The following PIR variants were observed in gnomAD, a reference collection of about 807,000 sequenced individuals.
PIR encodes the protein pirin.
A neutral mutation model predicts 24.2 loss-of-function variants in PIR; 22 were observed. That is an observed-to-expected ratio of 0.91 (90% CI 0.65 to 1.30). The LOEUF is 1.30. Ranked by LOEUF, PIR falls within the 50% of genes most tolerant of loss-of-function variation. The probability of loss-of-function intolerance (pLI) is 0.00; values close to 1 mark genes in which losing one functional copy is unlikely to be tolerated. For synonymous variants in PIR, 80 were observed against 79.6 expected (o/e 1.00, Z -0.03); for missense variants, 220 against 220.3 (o/e 1.00, Z 0.01).
At chrX:15,438,463 AC>A (rs1265549274) in intron 5 of PIR, among the ~76,000 whole-genome samples, 2 of 112,374 alleles carry the variant, frequency 1.8e-5, no homozygotes, top group Admixed American at 1.9e-4. Context: ...AAGAGCACAG[AC>A]CCTGGAGCCA....
At position 15,397,501 on chromosome X, in the gene PIR, G is replaced by T; in HGVS notation, c.641C>A (p.Pro214His). 1 of 1,207,488 alleles carries T rather than the reference G, an allele frequency of 8.3e-7. No homozygotes were observed. Among genetic ancestry groups the T allele is most frequent in the Non-Finnish European group, 1.1e-6 (1 of 891,608 alleles). ...TTCTCCAAGCACTGCTGTGTGATGA[G>T]GTTCTATTTTTTGTTGTGCATCATC... ...GPDDAQQKIEPHHTAVLGEGD... is the reference protein window; with the variant it reads ...GPDDAQQKIEHHHTAVLGEGD... The change falls in exon 8 of 10, where the codon CCT (proline) becomes CAT (histidine). Residue 214 changes from proline to histidine, a missense_variant. Coordinates refer to ENST00000380420, the MANE Select transcript of PIR (RefSeq NM_001018109.3).
At chrX:15,435,724 G>A (rs900160585) in intron 5 of PIR, among the ~76,000 whole-genome samples, 8 of 112,060 alleles carry the variant, frequency 7.1e-5, no homozygotes, top group African/African-American at 2.6e-4. Context: ...ACACTCAGGA[G>A]ACTCACTGCC....
chrX:15,445,698 T>G (rs1173128370), intron 5 of PIR, among the ~76,000 whole-genome samples: 2 of 111,197 alleles, frequency 1.8e-5, no homozygotes, highest in African/African-American at 6.5e-5. Flanking sequence ...AAAGACTCCA[T>G]TAGATGGCAT....
chrX:15,412,029 C>A (rs1924760256), intron 6 of PIR, among the ~76,000 whole-genome samples: 2 of 110,947 alleles, frequency 1.8e-5, no homozygotes, highest in Non-Finnish European at 3.8e-5. Flanking sequence ...AAATAATTTT[C>A]AGTATGTATT....
At chrX:15,395,571 T>A (rs1450127612) in intron 8 of PIR, among the ~76,000 whole-genome samples, 8 of 112,234 alleles carry the variant, frequency 7.1e-5, no homozygotes, top group Non-Finnish European at 3.8e-5. Context: ...ATCTCAAATA[T>A]TCTTTCTAAC....
Position 15,419,036 on chromosome X carries a change from C to T in PIR, c.565+6870G>A, listed in dbSNP as rs957063792. The stretch of plus-strand genomic sequence containing the variant: ...CCCAGCCAATGGCCTACACATTTCA[C>T]GAAATATTTGATACAACAAAGCACC... On this transcript the variant is annotated intron_variant, in intron 6 of 9. Coordinates refer to ENST00000380420, the MANE Select transcript of PIR (RefSeq NM_001018109.3). Among the ~76,000 whole-genome samples the T allele has an allele frequency of 1.3e-4, 14 of 109,119 alleles. No individual in the cohort carries two copies. In the Admixed American group the frequency reaches 1.3e-3, roughly 10 times the overall value. The allele number at this position is 109,119 out of a possible 115,157, so 94.8% of individuals were successfully genotyped here.
intron 5 of PIR, among the ~76,000 whole-genome samples, chrX:15,431,394 CA>C (rs1925500685): frequency 8.9e-6 from 1 of 111,824 alleles, no homozygotes; most frequent in African/African-American, 3.2e-5. Flanking sequence ...TGGCCAAAAG[CA>C]AATTGTTCAA....
At chrX:15,452,245 A>G (rs1920973260) in intron 5 of PIR, among the ~76,000 whole-genome samples, 1 of 112,202 alleles carries the variant, frequency 8.9e-6, no homozygotes, top group Admixed American at 9.4e-5. Context: ...GTTGTCTGAT[A>G]AGGATGGAAT....
intron 5 of PIR, among the ~76,000 whole-genome samples, chrX:15,447,916 C>T (rs757094664): frequency 2.7e-4 from 30 of 111,370 alleles, no homozygotes; most frequent in African/African-American, 9.5e-4. Flanking sequence ...TCTAAATTTC[C>T]CTGCTAAGTT....
intron 5 of PIR, among the ~76,000 whole-genome samples, chrX:15,451,059 C>A (rs945308651): frequency 1.8e-5 from 2 of 111,628 alleles, no homozygotes; most frequent in African/African-American, 6.5e-5. Context: ...TACTTGTCAA[C>A]CCACAACCAA....
intron 6 of PIR, among the ~76,000 whole-genome samples, chrX:15,411,440 T>C (rs760675984): frequency 8.9e-4 from 99 of 111,657 alleles, no homozygotes; most frequent in Admixed American, 1.3e-3. Context: ...CCGGGTCATT[T>C]TCCTTCTGCC....
chrX:15,457,093 GAGA>G (rs748543698), intron 4 of PIR, among the ~76,000 whole-genome samples: 4 of 112,144 alleles, frequency 3.6e-5, no homozygotes, highest in Non-Finnish European at 7.5e-5. Context: ...AGTTGTTAAT[GAGA>G]AGGTTATATC....
rs771519476 is a variant in PIR, at chrX:15,436,462, G to A, written c.481-10472C>T. Among the ~76,000 whole-genome samples, 4 of 111,894 alleles carry A rather than the reference G, an allele frequency of 3.6e-5. No individual in the cohort carries two copies. The East Asian group carries it at 1.1e-3, about 31-fold the overall frequency. ...CCTTGCCTGAATTTGGGTTACAGAT[G>A]TTCTAATTTCTTGGAAAATTAAAAC... On this transcript the variant is annotated intron_variant, in intron 5 of 9. Coordinates refer to ENST00000380420, the MANE Select transcript of PIR (RefSeq NM_001018109.3).
At chrX:15,463,476 A>AT (rs1921400673) in intron 3 of PIR, among the ~76,000 whole-genome samples, 1 of 111,633 alleles carries the variant, frequency 9.0e-6, no homozygotes, top group Non-Finnish European at 1.9e-5. Context: ...GAATCAAAAT[A>AT]TTTATAGAGC....
At chrX:15,432,233 G>C (rs1318509665) in intron 5 of PIR, among the ~76,000 whole-genome samples, 2 of 111,422 alleles carry the variant, frequency 1.8e-5, no homozygotes, top group Non-Finnish European at 3.8e-5. Context: ...AAAAATATTG[G>C]TTAAGAATCT....
At chrX:15,462,054 C>T (rs2147063220) in intron 3 of PIR, among the ~76,000 whole-genome samples, 1 of 110,908 alleles carries the variant, frequency 9.0e-6, no homozygotes, top group South Asian at 3.9e-4. Context: ...GGACTTTCTG[C>T]AATCACAGTA....
At chrX:15,457,519 C>T (rs928737461) in intron 4 of PIR, among the ~76,000 whole-genome samples, 4 of 111,885 alleles carry the variant, frequency 3.6e-5, no homozygotes, top group South Asian at 3.8e-4. Context: ...TCTGTGAGCA[C>T]GTGAAGTGTC....
chrX:15,481,068 T>G (rs1445265646), intron 2 of PIR, among the ~76,000 whole-genome samples: 1 of 112,477 alleles, frequency 8.9e-6, no homozygotes, highest in Non-Finnish European at 1.9e-5. Context: ...ACTCCCAAAT[T>G]TTTAACTATG....
intron 6 of PIR, among the ~76,000 whole-genome samples, chrX:15,417,343 G>A (rs1338944729): frequency 1.8e-5 from 2 of 112,467 alleles, no homozygotes; most frequent in Non-Finnish European, 1.9e-5. Flanking sequence ...ACAAAGTTTT[G>A]GGGGTAATTT....
Sources: allele counts gnomAD v4.1 joint callset (sites outside exome capture counted in the v4.1 genomes callset), GRCh38; gene constraint gnomAD v4.1.1; transcripts MANE v1.5; gene names NCBI Gene and HGNC (gene_info 2026-07-23, HGNC 2026-07-21).